The following ASIC2 variants were observed in gnomAD, a reference collection of about 807,000 sequenced individuals.
ASIC2 encodes acid-sensing ion channel 2.
In ASIC2, 25 loss-of-function variants were observed where a neutral mutation model predicts 57.3. The observed-to-expected ratio is 0.44, with a 90% CI of 0.32 to 0.61. The LOEUF is 0.61. Ranked by LOEUF, ASIC2 falls within the 20% of genes least tolerant of loss-of-function variation. ASIC2 has a pLI of 0.06. For missense variants in ASIC2, 641 were observed against 738.1 expected, an observed-to-expected ratio of 0.87 and a Z score of 1.52; for synonymous variants, 319 against 307.5, an observed-to-expected ratio of 1.04 and a Z score of -0.39.
intron 1 of ASIC2, among the ~76,000 whole-genome samples, chr17:33,182,387 T>A (rs1182523618): frequency 6.6e-6 from 1 of 152,162 alleles, no homozygotes; most frequent in East Asian, 1.9e-4. Flanking sequence ...ATGGAAAGCT[T>A]GTATGAACCC....
intron 1 of ASIC2, among the ~76,000 whole-genome samples, chr17:33,232,056 C>T (rs750483106): frequency 5.3e-5 from 8 of 152,168 alleles, no homozygotes; most frequent in Admixed American, 4.6e-4. Flanking sequence ...GAATGTTTGC[C>T]TCTTCCCCTT....
At chr17:33,328,612 T>C (rs978134691) in intron 1 of ASIC2, among the ~76,000 whole-genome samples, 1 of 152,212 alleles carries the variant, frequency 6.6e-6, no homozygotes, top group African/African-American at 2.4e-5. Context: ...ACTTGCTTTC[T>C]CTTTCATCCA....
At chr17:34,040,671 G>A (rs1908097761) in intron 1 of ASIC2, among the ~76,000 whole-genome samples, 2 of 152,140 alleles carry the variant, frequency 1.3e-5, no homozygotes, top group Admixed American at 1.3e-4. Context: ...TGGTGCTGCA[G>A]GTGACAGCCA....
intron 1 of ASIC2, among the ~76,000 whole-genome samples, chr17:33,888,608 T>C (rs998006176): frequency 3.3e-5 from 5 of 151,346 alleles, no homozygotes; most frequent in Non-Finnish European, 7.4e-5. Flanking sequence ...GGGACCGGGG[T>C]GTGGTGAGAC....
At chr17:33,101,917 T>G (rs2092213511) in intron 2 of ASIC2, among the ~76,000 whole-genome samples, 1 of 152,138 alleles carries the variant, frequency 6.6e-6, no homozygotes, top group Non-Finnish European at 1.5e-5. Flanking sequence ...GGCTTGCTAG[T>G]ACCCATCACT....
intron 1 of ASIC2, among the ~76,000 whole-genome samples, chr17:33,383,747 A>G (rs12946750): frequency 0.33 from 49,518 of 152,166 alleles, 9,675 homozygotes; most frequent in Non-Finnish European, 0.44. Flanking sequence ...TCACATTTTC[A>G]GATGACAAAA....
At chr17:33,565,954 C>G (rs1916221608) in intron 1 of ASIC2, 1 of 152,244 alleles carries the variant, frequency 6.6e-6, no homozygotes, top group Non-Finnish European at 1.5e-5. Flanking sequence ...GGGGCTGATT[C>G]TGAACTTCCC....
intron 1 of ASIC2, among the ~76,000 whole-genome samples, chr17:34,081,535 T>A (rs1340554407): frequency 6.6e-6 from 1 of 152,138 alleles, no homozygotes; most frequent in Admixed American, 6.5e-5. Context: ...TATTGGGCCC[T>A]TGGGTCATTG....
At chr17:33,401,885 G>A (rs1432464943) in intron 1 of ASIC2, among the ~76,000 whole-genome samples, 10 of 152,296 alleles carry the variant, frequency 6.6e-5, no homozygotes, top group Non-Finnish European at 1.2e-4. Flanking sequence ...TAAGTTATGC[G>A]AGGTCTCTCT....
chr17:33,950,898 G>A (rs1159018124), intron 1 of ASIC2, among the ~76,000 whole-genome samples: 1 of 148,762 alleles, frequency 6.7e-6, no homozygotes, highest in Non-Finnish European at 1.5e-5. Context: ...TGGTGGCTTA[G>A]CACTTACATC....
chr17:33,829,005 C>T (rs1462578831), intron 1 of ASIC2, among the ~76,000 whole-genome samples: 1 of 152,172 alleles, frequency 6.6e-6, no homozygotes, highest in East Asian at 1.9e-4. Flanking sequence ...ATATTTATTT[C>T]CTAGACTGCA....
chr17:33,510,791 T>C (rs1389876275), intron 1 of ASIC2, among the ~76,000 whole-genome samples: 1 of 152,138 alleles, frequency 6.6e-6, no homozygotes, highest in Non-Finnish European at 1.5e-5. Context: ...GGCTCATTCA[T>C]GTCACCAGCT....
chr17:33,303,571 G>A (rs1389761093), intron 1 of ASIC2, among the ~76,000 whole-genome samples: 1 of 152,122 alleles, frequency 6.6e-6, no homozygotes, highest in Non-Finnish European at 1.5e-5. Context: ...AAACCACAGG[G>A]TTTCAACCTA....
chr17:34,101,033 T>C (rs1219857896), intron 1 of ASIC2, among the ~76,000 whole-genome samples: 2 of 152,204 alleles, frequency 1.3e-5, no homozygotes, highest in African/African-American at 4.8e-5. Context: ...TCTGTTAGGA[T>C]AAAATGAGTT....
At chr17:33,583,919 T>G (rs895585546) in intron 1 of ASIC2, among the ~76,000 whole-genome samples, 1 of 152,080 alleles carries the variant, frequency 6.6e-6, no homozygotes, top group African/African-American at 2.4e-5. Context: ...AGTGTGTAGG[T>G]CCCAGGCAGA....
intron 2 of ASIC2, among the ~76,000 whole-genome samples, chr17:33,091,282 G>C (rs528688890): frequency 6.6e-6 from 1 of 152,292 alleles, no homozygotes; most frequent in East Asian, 1.9e-4. Flanking sequence ...GGGTTGAGGA[G>C]AGAGTGTGGA....
chr17:33,347,072 C>T (rs374430), intron 1 of ASIC2, among the ~76,000 whole-genome samples: 27,179 of 151,894 alleles, frequency 0.18, 2,741 homozygotes, highest in East Asian at 0.41. Flanking sequence ...GGAAATGATG[C>T]TAGAGGAAAG....
chr17:33,039,790 T>G (rs1184331482), intron 3 of ASIC2, among the ~76,000 whole-genome samples: 4 of 152,070 alleles, frequency 2.6e-5, no homozygotes, highest in Non-Finnish European at 5.9e-5. Context: ...GAAGAGAGGA[T>G]TCTACTCCTC....
chr17:33,720,758 C>T (rs1310462506), intron 1 of ASIC2, among the ~76,000 whole-genome samples: 2 of 152,216 alleles, frequency 1.3e-5, no homozygotes. Flanking sequence ...AGAAATAATG[C>T]TTGTGACTCC....
Sources: gnomAD v4.1 joint callset for allele counts (sites outside exome capture counted in the v4.1 genomes callset) on GRCh38, gnomAD v4.1.1 for gene constraint, MANE v1.5 for transcripts, NCBI Gene and HGNC (gene_info 2026-07-23, HGNC 2026-07-21) for gene names.